The following STAG1 variants were observed in gnomAD, a reference collection of about 807,000 sequenced individuals.
The protein encoded by STAG1 is STAG1 cohesin complex component.
A neutral mutation model predicts 170.9 loss-of-function variants in STAG1; 26 were observed. That is an observed-to-expected ratio of 0.15 (90% CI 0.11 to 0.21). STAG1 has a LOEUF of 0.21. Ranked by LOEUF, STAG1 falls within the 10% of genes least tolerant of loss-of-function variation. The pLI, the probability that STAG1 is intolerant of heterozygous loss-of-function variation, is 1.00. For synonymous variants in STAG1, 514 were observed against 497.7 expected (o/e 1.03, Z -0.44); for missense variants, 964 against 1,509.5 (o/e 0.64, Z 5.99).
intron 1 of STAG1, among the ~76,000 whole-genome samples, chr3:136,719,681 G>A (rs906435870): frequency 1.2e-5 from 1 of 84,654 alleles, no homozygotes; most frequent in African/African-American, 4.7e-5. Flanking sequence ...GTGGGTGGGT[G>A]GGTGGGTGGA....
chr3:136,461,112 G>A (rs2089260920), intron 13 of STAG1, among the ~76,000 whole-genome samples: 1 of 152,098 alleles, frequency 6.6e-6, no homozygotes, highest in African/African-American at 2.4e-5. Context: ...CAGAGAAAAA[G>A]CATTTGAAAG....
chr3:136,459,658 T>C (rs1208179604), intron 13 of STAG1, among the ~76,000 whole-genome samples: 6 of 152,280 alleles, frequency 3.9e-5, no homozygotes, highest in African/African-American at 9.6e-5. Flanking sequence ...TGAATGCATA[T>C]TGAGTATCTT....
intron 5 of STAG1, among the ~76,000 whole-genome samples, chr3:136,559,160 T>TCTAC (rs1936741061): frequency 6.6e-6 from 1 of 151,792 alleles, no homozygotes; most frequent in African/African-American, 2.4e-5. Flanking sequence ...TATCTATCTA[T>TCTAC]CTATATACGT....
chr3:136,689,815 C>T (rs2342992), intron 1 of STAG1, among the ~76,000 whole-genome samples: 1 of 151,850 alleles, frequency 6.6e-6, no homozygotes, highest in African/African-American at 2.4e-5. Context: ...CCAAGGTGGG[C>T]GGATCATATG....
At chr3:136,505,327 A>G (rs976904540) in intron 7 of STAG1, among the ~76,000 whole-genome samples, 1 of 152,224 alleles carries the variant, frequency 6.6e-6, no homozygotes, top group Non-Finnish European at 1.5e-5. Context: ...AAAATGGTAA[A>G]TATGTTCTAG....
At chr3:136,486,574 G>A (rs1323583191) in intron 9 of STAG1, among the ~76,000 whole-genome samples, 2 of 152,282 alleles carry the variant, frequency 1.3e-5, no homozygotes, top group South Asian at 2.1e-4. Context: ...CCTTGTAAAA[G>A]TCAATTCTAT....
intron 9 of STAG1, among the ~76,000 whole-genome samples, chr3:136,492,088 T>G (rs891668838): frequency 6.6e-6 from 1 of 152,240 alleles, no homozygotes; most frequent in African/African-American, 2.4e-5. Context: ...GTGATATCTC[T>G]GCATAGTACC....
At chr3:136,361,162 T>C (rs1194310745) in intron 26 of STAG1, among the ~76,000 whole-genome samples, 1 of 152,194 alleles carries the variant, frequency 6.6e-6, no homozygotes, top group Non-Finnish European at 1.5e-5. Flanking sequence ...GTCTGAAAGT[T>C]TTCTAGATCA....
rs1234020164 is a variant in STAG1, at chr3:136,498,162, A to C, written c.902+2061T>G. Among the ~76,000 whole-genome samples, 13 of 143,984 alleles carry C rather than the reference A, an allele frequency of 9.0e-5. No individual in the cohort carries two copies. The South Asian group carries it at 2.9e-3, about 32-fold the overall frequency. 94.5% of individuals were successfully genotyped at this position (143,984 alleles called of 152,430 possible). A position where few individuals can be genotyped will look rare whatever the true frequency, so the allele number is the denominator to read the frequency against. Reference sequence around the variant, plus strand: ...AGCCGACATTGTGCCAGTGCACTCCAGCCTGGGCAACAAGAGCAAAACTCC... The same window carrying C: ...AGCCGACATTGTGCCAGTGCACTCCCGCCTGGGCAACAAGAGCAAAACTCC... On this transcript the variant is annotated intron_variant, in intron 9 of 33. Transcript: ENST00000383202.
At position 136,374,225 on chromosome 3, in the gene STAG1, C is replaced by T. The variant is rs1937496274; in HGVS notation, c.2370+3435G>A. On this transcript the variant is annotated intron_variant, in intron 23 of 33. Coordinates refer to ENST00000383202, the MANE Select transcript of STAG1 (RefSeq NM_005862.3). Reference sequence around the variant, plus strand: ...CTTCCTCCATCCCTTAATTTTGAGCCTATGTGTGTGCCTGCATGTGAGATG... The same window carrying T: ...CTTCCTCCATCCCTTAATTTTGAGCTTATGTGTGTGCCTGCATGTGAGATG... Among the ~76,000 whole-genome samples, 5 of 152,100 alleles carry T rather than the reference C, an allele frequency of 3.3e-5. No homozygotes were observed. In the South Asian group the frequency reaches 1.0e-3, roughly 32 times the overall value.
At chr3:136,654,849 T>C (rs1358441401) in intron 1 of STAG1, among the ~76,000 whole-genome samples, 2 of 152,210 alleles carry the variant, frequency 1.3e-5, no homozygotes, top group Non-Finnish European at 2.9e-5. Flanking sequence ...AGCCCTTGCA[T>C]GCATGGTAAC....
chr3:136,439,443 A>ACACACACACACACAC (rs1559802083), intron 15 of STAG1, among the ~76,000 whole-genome samples: 5 of 44,844 alleles, frequency 1.1e-4, no homozygotes, highest in African/African-American at 2.6e-4. Flanking sequence ...CACACACACA[A>ACACACACACACACAC]ACACTGTAAG....
chr3:136,343,245 C>G (rs1188368458), intron 30 of STAG1, among the ~76,000 whole-genome samples: 1 of 152,202 alleles, frequency 6.6e-6, no homozygotes, highest in Non-Finnish European at 1.5e-5. Context: ...CCATCACCCT[C>G]TGCCTTCTCT....
chr3:136,669,745 A>C (rs565185498), intron 1 of STAG1, among the ~76,000 whole-genome samples: 1 of 152,342 alleles, frequency 6.6e-6, no homozygotes, highest in East Asian at 1.9e-4. Context: ...TGTGTTTAAA[A>C]AACAAAGCTC....
intron 6 of STAG1, among the ~76,000 whole-genome samples, chr3:136,540,957 T>G (rs1935874160): frequency 6.6e-6 from 1 of 151,960 alleles, no homozygotes; most frequent in Non-Finnish European, 1.5e-5. Context: ...GTGTCTTTAT[T>G]TCTGTTTTTA....
At chr3:136,601,391 A>G (rs1938669218) in intron 4 of STAG1, among the ~76,000 whole-genome samples, 1 of 152,240 alleles carries the variant, frequency 6.6e-6, no homozygotes, top group South Asian at 2.1e-4. Flanking sequence ...TACAGTAAAA[A>G]TAACATGAAG....
chr3:136,611,933 C>T (rs759084912), intron 3 of STAG1, among the ~76,000 whole-genome samples: 5 of 151,866 alleles, frequency 3.3e-5, no homozygotes, highest in South Asian at 2.1e-4. Context: ...CCGCAAGCTC[C>T]GCCTCCTGGG....
chr3:136,556,570 G>GTT, intron 5 of STAG1, among the ~76,000 whole-genome samples: 1 of 101,670 alleles, frequency 9.8e-6, no homozygotes, highest in Admixed American at 9.4e-5. Flanking sequence ...CTTGACATTC[G>GTT]TTTTTTTTTT....
intron 21 of STAG1, among the ~76,000 whole-genome samples, chr3:136,406,671 A>C (rs868823624): frequency 6.6e-6 from 1 of 152,240 alleles, no homozygotes; most frequent in South Asian, 2.1e-4. Flanking sequence ...ACGATTGAGT[A>C]AAGAGAAAAG....
Sources: allele counts gnomAD v4.1 joint callset (sites outside exome capture counted in the v4.1 genomes callset), GRCh38; gene constraint gnomAD v4.1.1; transcripts MANE v1.5; gene names NCBI Gene and HGNC (gene_info 2026-07-23, HGNC 2026-07-21).